Variants in CTNNA3 observed in about 807,000 individuals in gnomAD.
CTNNA3 encodes catenin alpha 3.
Under a neutral mutation model 95.7 loss-of-function variants are expected in CTNNA3, and 76 were observed. The ratio of observed to expected loss-of-function variants is 0.79; its 90% CI spans 0.66 to 0.96. CTNNA3 has a LOEUF of 0.96. CTNNA3 is among the 40% of genes least tolerant of loss of function. The pLI is 0.00. For synonymous variants in CTNNA3, 431 were observed against 374.4 expected (o/e 1.15, Z -1.74); for missense variants, 1,191 against 1,089.8 (o/e 1.09, Z -1.31).
intron 13 of CTNNA3, among the ~76,000 whole-genome samples, chr10:66,104,306 A>G (rs1222415086): frequency 6.6e-6 from 1 of 152,182 alleles, no homozygotes; most frequent in Non-Finnish European, 1.5e-5. Flanking sequence ...ATCATCGCTG[A>G]ATTAGGCAGC....
At chr10:66,732,497 T>C (rs536228684) in intron 9 of CTNNA3, among the ~76,000 whole-genome samples, 1 of 152,270 alleles carries the variant, frequency 6.6e-6, no homozygotes, top group East Asian at 1.9e-4. Context: ...TCAGCATGGC[T>C]GAGGAGGCCT....
chr10:66,190,641 C>T (rs2131883648), intron 13 of CTNNA3, among the ~76,000 whole-genome samples: 1 of 152,212 alleles, frequency 6.6e-6, no homozygotes, highest in African/African-American at 2.4e-5. Context: ...TCTGTTCTGT[C>T]TTTCCTTGTC....
chr10:66,189,918 T>C (rs2086580013), intron 13 of CTNNA3, among the ~76,000 whole-genome samples: 1 of 151,956 alleles, frequency 6.6e-6, no homozygotes, highest in Non-Finnish European at 1.5e-5. Context: ...TTCATTTTTA[T>C]GGCCTATTTT....
chr10:67,105,752 A>G (rs1273677331), intron 7 of CTNNA3, among the ~76,000 whole-genome samples: 1 of 152,176 alleles, frequency 6.6e-6, no homozygotes, highest in Non-Finnish European at 1.5e-5. Flanking sequence ...CTTATAAATT[A>G]AGAAAATTAT....
At chr10:67,293,132 T>C (rs540546737) in intron 5 of CTNNA3, among the ~76,000 whole-genome samples, 23 of 152,268 alleles carry the variant, frequency 1.5e-4, no homozygotes, top group African/African-American at 5.1e-4. Flanking sequence ...ATAAAAAAAT[T>C]ATTCCTGAAA....
intron 13 of CTNNA3, among the ~76,000 whole-genome samples, chr10:66,254,300 A>G (rs1377322578): frequency 6.6e-6 from 1 of 152,170 alleles, no homozygotes; most frequent in Non-Finnish European, 1.5e-5. Context: ...TCTTTTCCCA[A>G]AACTTTGTAA....
At chr10:65,935,994 G>A (rs2077331551) in intron 17 of CTNNA3, among the ~76,000 whole-genome samples, 1 of 152,092 alleles carries the variant, frequency 6.6e-6, no homozygotes, top group African/African-American at 2.4e-5. Context: ...GCAACAGCAT[G>A]GAAAGAAAAG....
At chr10:67,271,130 A>G (rs555660368) in intron 5 of CTNNA3, among the ~76,000 whole-genome samples, 2 of 152,296 alleles carry the variant, frequency 1.3e-5, no homozygotes, top group African/African-American at 4.8e-5. Context: ...TGGAAACAAA[A>G]GGAATAGGTG....
At chr10:66,881,105 C>A (rs536375583) in intron 7 of CTNNA3, among the ~76,000 whole-genome samples, 1 of 152,116 alleles carries the variant, frequency 6.6e-6, no homozygotes, top group South Asian at 2.1e-4. Context: ...TTTTCCAAAT[C>A]ATTCTAATTG....
chr10:67,383,996 G>T (rs1844048948), intron 5 of CTNNA3, among the ~76,000 whole-genome samples: 1 of 152,140 alleles, frequency 6.6e-6, no homozygotes, highest in Non-Finnish European at 1.5e-5. Flanking sequence ...GTCACTAACA[G>T]ATTCCTTACC....
rs779355768 is a variant in CTNNA3 at position 65,913,540 on chromosome 10, T to C, written c.*6790A>G. On this transcript the variant is annotated 3_prime_UTR_variant, in exon 18 of 18. Transcript: ENST00000433211. ...AGCACATCTTAACCCTGCAAGACAG[T>C]TGCTGAAATTCTCATATTTATATCC... 6.6e-5 allele frequency: 10 copies of C among 152,296 alleles called. No homozygotes were observed. Among genetic ancestry groups the C allele is most frequent in the African/African-American group, 1.9e-4 (8 of 41,558 alleles). The allele number at this position is 152,296 out of a possible 1,614,324, so 9.4% of individuals were successfully genotyped here. A position where few individuals can be genotyped will look rare whatever the true frequency, so the allele number is the denominator to read the frequency against.
At chr10:67,484,291 A>G (rs1003596431) in intron 5 of CTNNA3, among the ~76,000 whole-genome samples, 2 of 152,182 alleles carry the variant, frequency 1.3e-5, no homozygotes, top group Non-Finnish European at 2.9e-5. Context: ...GAAACCAGAC[A>G]CTTATCTTTA....
intron 7 of CTNNA3, among the ~76,000 whole-genome samples, chr10:66,806,473 G>A (rs576995137): frequency 2.6e-5 from 4 of 152,094 alleles, no homozygotes; most frequent in African/African-American, 7.2e-5. Context: ...ACTTAAAGAC[G>A]AGGCATATTG....
At position 66,695,920 on chromosome 10, in the gene CTNNA3, G is replaced by GGA. The variant is rs1554837133; in HGVS notation, c.1281+70343_1281+70344insTC. Among the ~76,000 whole-genome samples, 9 of 140,350 alleles carry GGA rather than the reference G, an allele frequency of 6.4e-5. No homozygotes were observed. The Admixed American group carries it at 6.4e-4, about 10-fold the overall frequency. 92.1% of individuals were successfully genotyped at this position (140,350 alleles called of 152,430 possible). A position where few individuals can be genotyped will look rare whatever the true frequency, so the allele number is the denominator to read the frequency against. On this transcript the variant is annotated intron_variant, in intron 9 of 17. Transcript: ENST00000433211. ...AAATTGGGTGAAAGAGACGTAAGGGGGGGGGGCAATAAAAATGTATTTTTC... is the reference window on the plus strand; with the variant it reads ...AAATTGGGTGAAAGAGACGTAAGGGGGAGGGGGGCAATAAAAATGTATTTTTC...
chr10:66,266,745 G>A (rs1337035553), intron 13 of CTNNA3, among the ~76,000 whole-genome samples: 1 of 151,842 alleles, frequency 6.6e-6, no homozygotes, highest in East Asian at 1.9e-4. Context: ...TCAGCTCATT[G>A]CAAATACAAA....
At chr10:67,692,998 T>C (rs1840898425) in intron 1 of CTNNA3, among the ~76,000 whole-genome samples, 1 of 152,200 alleles carries the variant, frequency 6.6e-6, no homozygotes. Flanking sequence ...CAGAAAATCA[T>C]CCTGGTTAGG....
chr10:66,587,489 G>A (rs1837974472), intron 10 of CTNNA3, among the ~76,000 whole-genome samples: 2 of 152,146 alleles, frequency 1.3e-5, no homozygotes, highest in Non-Finnish European at 2.9e-5. Context: ...TACCAGGGCA[G>A]GTGGAGGGGC....
chr10:66,501,837 G>A (rs950560541), intron 11 of CTNNA3, among the ~76,000 whole-genome samples: 2 of 151,880 alleles, frequency 1.3e-5, no homozygotes, highest in African/African-American at 4.8e-5. Flanking sequence ...CTTATGAAGG[G>A]GCAAAGGCTT....
intron 7 of CTNNA3, among the ~76,000 whole-genome samples, chr10:66,950,900 CAT>C (rs1395386510): frequency 1.3e-5 from 2 of 152,094 alleles, no homozygotes; most frequent in Non-Finnish European, 2.9e-5. Context: ...GGTGTAATCA[CAT>C]GAGACAGAAT....
Sources: gnomAD v4.1 joint callset for allele counts (sites outside exome capture counted in the v4.1 genomes callset) on GRCh38, gnomAD v4.1.1 for gene constraint, MANE v1.5 for transcripts, NCBI Gene and HGNC (gene_info 2026-07-23, HGNC 2026-07-21) for gene names.